NKAIN3: variants seen among roughly 807,000 people sequenced by gnomAD.
NKAIN3 encodes the protein sodium/potassium transporting ATPase interacting 3.
In NKAIN3, 25 loss-of-function variants were observed where a neutral mutation model predicts 30.2. The observed-to-expected ratio is 0.83, with a 90% CI of 0.60 to 1.16. NKAIN3 has a LOEUF of 1.16. Ranked by LOEUF, NKAIN3 falls within the 50% of genes most tolerant of loss-of-function variation. NKAIN3 has a pLI of 0.00. For missense variants in NKAIN3, 225 were observed against 254.1 expected (o/e 0.89, Z 0.78); for synonymous variants, 91 against 89.6 (o/e 1.02, Z -0.09).
At chr8:62,874,937 A>G (rs971807515) in intron 4 of NKAIN3, among the ~76,000 whole-genome samples, 2 of 152,168 alleles carry the variant, frequency 1.3e-5, no homozygotes, top group African/African-American at 4.8e-5. Context: ...CACCACTCCT[A>G]TTCAACATAG....
intron 1 of NKAIN3, among the ~76,000 whole-genome samples, chr8:62,305,250 T>C (rs1387088961): frequency 6.6e-6 from 1 of 150,442 alleles, no homozygotes; most frequent in Non-Finnish European, 1.5e-5. Context: ...GATAGCTATT[T>C]TGAACACAGA....
intron 3 of NKAIN3, among the ~76,000 whole-genome samples, chr8:62,726,543 T>C (rs1815265236): frequency 6.6e-6 from 1 of 152,084 alleles, no homozygotes; most frequent in African/African-American, 2.4e-5. Flanking sequence ...TCAGCATCAG[T>C]TGAAATGATC....
chr8:62,525,563 A>G (rs528005892), intron 1 of NKAIN3, among the ~76,000 whole-genome samples: 1 of 152,158 alleles, frequency 6.6e-6, no homozygotes, highest in African/African-American at 2.4e-5. Context: ...ATGTCCCTGC[A>G]AAAGAATATA....
intron 3 of NKAIN3, among the ~76,000 whole-genome samples, chr8:62,649,839 G>A (rs909794242): frequency 1.3e-5 from 2 of 152,096 alleles, no homozygotes; most frequent in Non-Finnish European, 1.5e-5. Context: ...CAGGGGCTGG[G>A]GGAAGGTTCC....
intron 1 of NKAIN3, among the ~76,000 whole-genome samples, chr8:62,278,195 G>A (rs1466316594): frequency 6.6e-6 from 1 of 152,096 alleles, no homozygotes; most frequent in Non-Finnish European, 1.5e-5. Context: ...AGAGACTCAG[G>A]TCATGTAGAC....
chr8:62,639,805 T>TC (rs1289312425), intron 3 of NKAIN3, among the ~76,000 whole-genome samples: 1 of 152,054 alleles, frequency 6.6e-6, no homozygotes, highest in African/African-American at 2.4e-5. Context: ...GTGGTTTTTT[T>TC]CTGATTACTT....
chr8:62,269,027 A>G (rs1038450355), intron 1 of NKAIN3, among the ~76,000 whole-genome samples: 2 of 152,144 alleles, frequency 1.3e-5, no homozygotes, highest in African/African-American at 2.4e-5. Flanking sequence ...TCTGAAATAC[A>G]TCTTCCTGTA....
intron 3 of NKAIN3, among the ~76,000 whole-genome samples, chr8:62,592,174 A>C (rs1810672985): frequency 6.6e-6 from 1 of 152,010 alleles, no homozygotes; most frequent in Non-Finnish European, 1.5e-5. Flanking sequence ...TATGAATAGC[A>C]CATTTGTACG....
chr8:62,730,159 C>T (rs1815422779), intron 3 of NKAIN3, among the ~76,000 whole-genome samples: 1 of 151,962 alleles, frequency 6.6e-6, no homozygotes, highest in Non-Finnish European at 1.5e-5. Flanking sequence ...TCTGCTCTTA[C>T]ATGTACTTCT....
At chr8:62,363,646 A>C (rs892227252) in intron 1 of NKAIN3, among the ~76,000 whole-genome samples, 6 of 152,198 alleles carry the variant, frequency 3.9e-5, no homozygotes, top group Admixed American at 6.5e-5. Flanking sequence ...AATACAAAAA[A>C]AGTATGTTAC....
At chr8:62,589,508 G>A (rs529693832) in intron 2 of NKAIN3, among the ~76,000 whole-genome samples, 63 of 151,760 alleles carry the variant, frequency 4.2e-4, no homozygotes, top group African/African-American at 1.4e-3. Flanking sequence ...AACTTTGTTG[G>A]TGTCTACTGA....
chr8:62,894,165 T>C (rs2130828470), intron 4 of NKAIN3, among the ~76,000 whole-genome samples: 1 of 152,328 alleles, frequency 6.6e-6, no homozygotes, highest in African/African-American at 2.4e-5. Flanking sequence ...GTTTTGATTA[T>C]TTGTATAGTG....
intron 1 of NKAIN3, among the ~76,000 whole-genome samples, chr8:62,443,527 G>A (rs929651734): frequency 6.6e-6 from 1 of 152,022 alleles, no homozygotes; most frequent in African/African-American, 2.4e-5. Context: ...GGGACTAGAG[G>A]TGCGAGCCAC....
Position 62,338,844 on chromosome 8 carries a change from T to C in NKAIN3, c.54+89717T>C, listed in dbSNP as rs563590982. ...TATTCTAGCCAGGCTGGTAGCTGAC[T>C]AGATGGTGCTCAGCCAAATTAAGGG... On this transcript the variant is annotated intron_variant, in intron 1 of 6. Transcript: ENST00000623646. Among the ~76,000 whole-genome samples, 3 of 152,104 alleles carry C rather than the reference T, an allele frequency of 2.0e-5. No individual in the cohort carries two copies. In the South Asian group the frequency reaches 6.2e-4, roughly 32 times the overall value.
rs1812411549 is a variant in NKAIN3 at position 62,260,703 on chromosome 8, C to T, written c.54+11576C>T. On this transcript the variant is annotated intron_variant, in intron 1 of 6. Coordinates refer to ENST00000623646, the MANE Select transcript of NKAIN3 (RefSeq NM_001304533.3). The stretch of plus-strand genomic sequence containing the variant: ...GACTCATACCAACTGGGGATAGCTT[C>T]CTGGTGGGTTTCCAGGAATCATGTG... Among the ~76,000 whole-genome samples, 3 of 152,096 alleles carry T rather than the reference C, an allele frequency of 2.0e-5. No individual in the cohort carries two copies. In the South Asian group the frequency reaches 6.2e-4, roughly 32 times the overall value.
At chr8:62,651,474 C>G (rs760497285) in intron 3 of NKAIN3, among the ~76,000 whole-genome samples, 2 of 152,136 alleles carry the variant, frequency 1.3e-5, no homozygotes, top group Non-Finnish European at 2.9e-5. Context: ...TCAATTCAAG[C>G]TGCTATAACA....
At chr8:62,457,373 G>A (rs543718462) in intron 1 of NKAIN3, among the ~76,000 whole-genome samples, 1 of 152,192 alleles carries the variant, frequency 6.6e-6, no homozygotes, top group Non-Finnish European at 1.5e-5. Context: ...CAAAGCCCTT[G>A]CAAAGTATCA....
At chr8:62,959,348 A>G (rs1404125649) in intron 6 of NKAIN3, among the ~76,000 whole-genome samples, 1 of 151,896 alleles carries the variant, frequency 6.6e-6, no homozygotes, top group African/African-American at 2.4e-5. Context: ...GCTGTTTTGC[A>G]TTAGTACCCC....
chr8:62,922,666 G>T (rs1434021457), intron 5 of NKAIN3, among the ~76,000 whole-genome samples: 1 of 152,040 alleles, frequency 6.6e-6, no homozygotes, highest in East Asian at 1.9e-4. Flanking sequence ...TGATCCTGAA[G>T]TCACAGTGAA....
Sources: allele counts gnomAD v4.1 joint callset (sites outside exome capture counted in the v4.1 genomes callset), GRCh38; gene constraint gnomAD v4.1.1; transcripts MANE v1.5; gene names NCBI Gene and HGNC (gene_info 2026-07-23, HGNC 2026-07-21).